Variants in DCLK1 observed in about 807,000 individuals in gnomAD.
DCLK1 encodes doublecortin like kinase 1.
A neutral mutation model predicts 86.2 loss-of-function variants in DCLK1; 16 were observed. That is an observed-to-expected ratio of 0.19 (90% CI 0.13 to 0.28). The LOEUF is 0.28. Ranked by LOEUF, DCLK1 falls within the 10% of genes least tolerant of loss-of-function variation. DCLK1 has a pLI of 1.00. For synonymous variants in DCLK1, 369 were observed against 370.5 expected (o/e 1.00, Z 0.05); for missense variants, 590 against 940.2 (o/e 0.63, Z 4.87).
At chr13:35,867,110 C>T (rs916831940) in intron 5 of DCLK1, among the ~76,000 whole-genome samples, 2 of 152,152 alleles carry the variant, frequency 1.3e-5, no homozygotes, top group Non-Finnish European at 2.9e-5. Context: ...GTTGACTGCC[C>T]TGTGAAACTC....
intron 16 of DCLK1, among the ~76,000 whole-genome samples, chr13:35,777,461 G>A (rs1340153135): frequency 6.6e-6 from 1 of 152,168 alleles, no homozygotes; most frequent in Non-Finnish European, 1.5e-5. Context: ...TTATTGAAAT[G>A]ATAAATTAAA....
chr13:36,118,012 AAAAAT>A (rs1885850291), intron 2 of DCLK1, among the ~76,000 whole-genome samples: 1 of 152,230 alleles, frequency 6.6e-6, no homozygotes, highest in Non-Finnish European at 1.5e-5. Flanking sequence ...CATTCCAGAT[AAAAAT>A]AAAATAATAA....
At chr13:35,951,252 T>C (rs1877659746) in intron 3 of DCLK1, among the ~76,000 whole-genome samples, 1 of 129,718 alleles carries the variant, frequency 7.7e-6, no homozygotes, top group Non-Finnish European at 1.6e-5. Flanking sequence ...GGACGATGGA[T>C]GGATTAATGG....
At chr13:35,811,604 C>A (rs538561313) in intron 11 of DCLK1, among the ~76,000 whole-genome samples, 1 of 152,196 alleles carries the variant, frequency 6.6e-6, no homozygotes, top group South Asian at 2.1e-4. Flanking sequence ...GAGGCCAAGG[C>A]AGGTGGATCA....
chr13:36,115,564 G>A lies in DCLK1; in HGVS notation c.377-3349C>T, dbSNP rs74905851. Among the ~76,000 whole-genome samples the A allele has an allele frequency of 4.9e-3, 741 of 152,026 alleles. 8 individuals are homozygous for A. The highest frequency in any genetic ancestry group is 0.017 in the African/African-American group (714 of 41,446). On this transcript the variant is annotated intron_variant, in intron 2 of 16. Coordinates refer to ENST00000360631, the MANE Select transcript of DCLK1 (RefSeq NM_001330071.2). The stretch of plus-strand genomic sequence containing the variant: ...TTTTTTCAGTTTGTTCAAGCCCTAA[G>A]GATTCTATGATAAGTCTGATTCTTC...
intron 3 of DCLK1, among the ~76,000 whole-genome samples, chr13:36,013,540 G>C (rs1448705545): frequency 1.3e-5 from 2 of 152,028 alleles, no homozygotes; most frequent in African/African-American, 4.8e-5. Context: ...TAGGCTGCTC[G>C]GGGGTCAGGG....
At chr13:36,069,459 C>G (rs1298028944) in intron 3 of DCLK1, among the ~76,000 whole-genome samples, 1 of 152,164 alleles carries the variant, frequency 6.6e-6, no homozygotes, top group Admixed American at 6.5e-5. Flanking sequence ...GTTTTTCACC[C>G]TGAGGCTCCA....
intron 12 of DCLK1, among the ~76,000 whole-genome samples, chr13:35,809,454 T>A (rs186135028): frequency 3.0e-4 from 46 of 152,264 alleles, no homozygotes; most frequent in Non-Finnish European, 2.4e-4. Flanking sequence ...GAATAATAAT[T>A]ATTTCTAGAA....
intron 5 of DCLK1, chr13:35,855,721 G>T: frequency 7.3e-7 from 1 of 1,377,646 alleles, no homozygotes; most frequent in South Asian, 1.8e-5. Flanking sequence ...CTCCCAAGCA[G>T]CAGTGGGAGG....
Position 36,001,958 on chromosome 13 carries a change from A to G in DCLK1, c.724-54501T>C, listed in dbSNP as rs117744793. 2.9e-3 allele frequency among the ~76,000 whole-genome samples: 446 copies of G among 152,270 alleles called. 17 individuals are homozygous for G. The East Asian group carries it at 0.063, about 21-fold the overall frequency. ...CGCACTGTTGCCTTTTTGTTGTTGT[A>G]CAAAGAACTGTTTTTAGCTTGGATT... is the stretch of plus-strand genomic sequence containing the variant. On this transcript the variant is annotated intron_variant, in intron 3 of 16. Coordinates refer to ENST00000360631, the MANE Select transcript of DCLK1 (RefSeq NM_001330071.2).
At chr13:35,943,668 C>T (rs982737565) in intron 4 of DCLK1, among the ~76,000 whole-genome samples, 8 of 152,080 alleles carry the variant, frequency 5.3e-5, no homozygotes, top group Admixed American at 3.3e-4. Flanking sequence ...GGGGTACTGG[C>T]TTTGAGGCCA....
chr13:36,016,399 C>T (rs976020719), intron 3 of DCLK1, among the ~76,000 whole-genome samples: 1 of 152,110 alleles, frequency 6.6e-6, no homozygotes, highest in African/African-American at 2.4e-5. Context: ...CAAGGGGTCA[C>T]CATTAAAAGG....
intron 3 of DCLK1, among the ~76,000 whole-genome samples, chr13:36,092,142 C>T (rs1884847772): frequency 6.6e-6 from 1 of 152,088 alleles, no homozygotes; most frequent in Non-Finnish European, 1.5e-5. Flanking sequence ...CCATATACAA[C>T]TCCAAATCTG....
chr13:36,093,348 C>T (rs6563338), intron 3 of DCLK1, among the ~76,000 whole-genome samples: 89,425 of 152,014 alleles, frequency 0.59, 26,755 homozygotes, highest in East Asian at 0.87. Context: ...TCAGTACTAC[C>T]AGGTCTTGGA....
At chr13:35,774,774 T>TCTAGAA in intron 16 of DCLK1, 75 bp from the exon 17 acceptor site, 1 of 1,497,370 alleles carries the variant, frequency 6.7e-7, no homozygotes, top group Non-Finnish European at 9.0e-7. Context: ...TCTAGAACTT[T>TCTAGAA]CTGAGGTCAG....
intron 4 of DCLK1, among the ~76,000 whole-genome samples, chr13:35,902,451 A>G (rs1874426456): frequency 6.6e-6 from 1 of 152,206 alleles, no homozygotes; most frequent in African/African-American, 2.4e-5. Context: ...GCAGGATAGC[A>G]TGCTCTCTCT....
At chr13:36,129,171 G>A (rs914943012) in intron 1 of DCLK1, among the ~76,000 whole-genome samples, 4 of 152,200 alleles carry the variant, frequency 2.6e-5, no homozygotes, top group African/African-American at 7.2e-5. Flanking sequence ...GCACAGTTCT[G>A]TTACCAGAAA....
At chr13:35,885,879 T>C (rs1411710535) in intron 4 of DCLK1, among the ~76,000 whole-genome samples, 1 of 152,186 alleles carries the variant, frequency 6.6e-6, no homozygotes, top group Non-Finnish European at 1.5e-5. Flanking sequence ...TAATAAATGA[T>C]TACTATAGTG....
intron 3 of DCLK1, among the ~76,000 whole-genome samples, chr13:35,976,955 C>A (rs1879377289): frequency 6.6e-6 from 1 of 152,122 alleles, no homozygotes; most frequent in Non-Finnish European, 1.5e-5. Context: ...AAAGAATTAA[C>A]AAAGCCTCAG....
Sources: allele counts gnomAD v4.1 joint callset (sites outside exome capture counted in the v4.1 genomes callset), GRCh38; gene constraint gnomAD v4.1.1; transcripts MANE v1.5; gene names NCBI Gene and HGNC (gene_info 2026-07-23, HGNC 2026-07-21).